HDAC4: variants seen among roughly 807,000 people sequenced by gnomAD.
HDAC4 encodes histone deacetylase 4, also known as histone deacetylase A.
HDAC4 carries 16 observed loss-of-function variants against 135.1 expected under a neutral mutation model. The ratio of observed to expected loss-of-function variants is 0.12; its 90% CI spans 0.08 to 0.18. The LOEUF (loss-of-function observed/expected upper bound fraction) is 0.18. Ranked by LOEUF, HDAC4 falls within the 10% of genes least tolerant of loss-of-function variation. HDAC4 has a pLI of 1.00. For synonymous variants in HDAC4, 685 were observed against 653.4 expected (o/e 1.05, Z -0.74); for missense variants, 1,143 against 1,511.8 (o/e 0.76, Z 4.05).
At chr2:239,201,393 C>G (rs1214340458) in intron 3 of HDAC4, among the ~76,000 whole-genome samples, 4 of 152,156 alleles carry the variant, frequency 2.6e-5, no homozygotes, top group Non-Finnish European at 5.9e-5. Context: ...ACTTCTGCTC[C>G]GGAGTCGATG....
At chr2:239,344,078 G>A (rs1692468216) in intron 2 of HDAC4, among the ~76,000 whole-genome samples, 1 of 152,122 alleles carries the variant, frequency 6.6e-6, no homozygotes, top group Admixed American at 6.5e-5. Context: ...GAACACCTAT[G>A]GTCAAGTAGA....
intron 6 of HDAC4, among the ~76,000 whole-genome samples, chr2:239,158,852 G>A (rs1357811225): frequency 6.6e-6 from 1 of 152,076 alleles, no homozygotes; most frequent in Admixed American, 6.5e-5. Context: ...GCGTCCAGCA[G>A]GGCGAGCAGA....
rs1395082656 is a variant in HDAC4, at chr2:239,146,792, C to T, written c.734-2078G>A. 6.6e-6 allele frequency among the ~76,000 whole-genome samples: 1 copy of T among 151,726 alleles called. No homozygotes were observed. The highest frequency in any genetic ancestry group is 1.5e-5 in the Non-Finnish European group (1 of 67,898). ...GCCCTGACCCCCCACAGCCCCACTGCCCCCATCACAGCCCCACTGCCCTGT... is the reference window on the plus strand; with the variant it reads ...GCCCTGACCCCCCACAGCCCCACTGTCCCCATCACAGCCCCACTGCCCTGT... On this transcript the variant is annotated intron_variant, in intron 7 of 26. Coordinates refer to ENST00000543185, the MANE Select transcript of HDAC4 (RefSeq NM_001378414.1). This position sits in a 1 kb window ranked among gnomAD's most constrained non-coding sequence, Gnocchi z 4.5.
At chr2:239,125,563 G>GT (rs1486082663) in intron 12 of HDAC4, among the ~76,000 whole-genome samples, 1 of 152,206 alleles carries the variant, frequency 6.6e-6, no homozygotes, top group Non-Finnish European at 1.5e-5. Context: ...GAGTTTACGT[G>GT]TAGATGTGTG....
intron 11 of HDAC4, 132 bp downstream of exon 11, chr2:239,134,113 T>G: frequency 1.4e-6 from 1 of 723,124 alleles, no homozygotes; most frequent in Non-Finnish European, 2.5e-6. Flanking sequence ...GTGATGGGGA[T>G]GTGTGTTTGG....
At chr2:239,200,126 T>C (rs899140445) in intron 3 of HDAC4, among the ~76,000 whole-genome samples, 2 of 152,172 alleles carry the variant, frequency 1.3e-5, no homozygotes, top group African/African-American at 2.4e-5. Flanking sequence ...GGGTAAGCGC[T>C]GTTATTGGGT....
chr2:239,096,186 G>A (rs1559417709), intron 16 of HDAC4, among the ~76,000 whole-genome samples: 2 of 152,146 alleles, frequency 1.3e-5, no homozygotes, highest in Non-Finnish European at 2.9e-5. Context: ...TGCCGGCCCG[G>A]TTAGCACGAG....
At chr2:239,179,656 C>A (rs780493162) in intron 4 of HDAC4, among the ~76,000 whole-genome samples, 18 of 152,188 alleles carry the variant, frequency 1.2e-4, no homozygotes, top group Non-Finnish European at 2.1e-4. Flanking sequence ...CACTTCAGAG[C>A]AAGAGGTGAT....
intron 24 of HDAC4, among the ~76,000 whole-genome samples, chr2:239,065,113 TTTCCATCGGGGGAGGC>T (rs1165831615): frequency 6.6e-6 from 1 of 152,178 alleles, no homozygotes; most frequent in Non-Finnish European, 1.5e-5. Flanking sequence ...CAGGGCCAGC[TTTCCATCGGGGGAGGC>T]TTGCACAGAG....
At chr2:239,202,157 A>G (rs1301108108) in intron 3 of HDAC4, among the ~76,000 whole-genome samples, 1 of 152,112 alleles carries the variant, frequency 6.6e-6, no homozygotes, top group Non-Finnish European at 1.5e-5. Flanking sequence ...TCATCCACGA[A>G]CCTTGGAACC....
At chr2:239,145,778 C>T (rs566207007) in intron 7 of HDAC4, among the ~76,000 whole-genome samples, 7 of 151,866 alleles carry the variant, frequency 4.6e-5, no homozygotes, top group Non-Finnish European at 7.4e-5. Context: ...TGCACCGCCT[C>T]CAGAGCAACA....
intron 16 of HDAC4, among the ~76,000 whole-genome samples, chr2:239,101,528 C>T (rs1269825559): frequency 6.6e-6 from 1 of 152,182 alleles, no homozygotes; most frequent in Non-Finnish European, 1.5e-5. Flanking sequence ...TCTCCTTGCC[C>T]CTGCAACCCC....
chr2:239,294,899 G>A lies in HDAC4; in HGVS notation c.22+57779C>T, dbSNP rs368155508. Among the ~76,000 whole-genome samples the A allele has an allele frequency of 2.6e-5, 4 of 152,326 alleles. No homozygotes were observed. The East Asian group carries it at 5.8e-4, about 22-fold the overall frequency. ...AAGCTAGGCCTCTGCTCTGACTAAG[G>A]GGGTGGGTGTGTGGGAGGCCCGGGA... On this transcript the variant is annotated intron_variant, in intron 2 of 26. Coordinates refer to ENST00000543185, the MANE Select transcript of HDAC4 (RefSeq NM_001378414.1).
intron 2 of HDAC4, among the ~76,000 whole-genome samples, chr2:239,256,193 C>A (rs954061292): frequency 3.9e-5 from 6 of 152,220 alleles, no homozygotes; most frequent in African/African-American, 1.4e-4. Context: ...AAGCGGTTCA[C>A]TGAAGAAAAC....
intron 24 of HDAC4, among the ~76,000 whole-genome samples, chr2:239,058,122 T>A (rs1166979720): frequency 6.6e-6 from 1 of 152,214 alleles, no homozygotes; most frequent in South Asian, 2.1e-4. Context: ...GGCACCCTAA[T>A]TGGGGCTGGC....
chr2:239,254,404 C>A (rs2048945365), intron 2 of HDAC4, among the ~76,000 whole-genome samples: 1 of 136,214 alleles, frequency 7.3e-6, no homozygotes. Context: ...GTGGAAAAGA[C>A]AACAAGCTGC....
At position 239,189,059 on chromosome 2, in the gene HDAC4, T is replaced by C. The variant is rs192561274; in HGVS notation, c.339+774A>G. ...ACTGCTAAGTGTTGGGGTAATTTTG[T>C]TACACAGATATAGATAACTTAGTCT... On this transcript the variant is annotated intron_variant, in intron 4 of 26. Transcript: ENST00000543185. 1.6e-3 allele frequency among the ~76,000 whole-genome samples: 249 copies of C among 152,376 alleles called. 1 individual carries two copies. Among genetic ancestry groups the C allele is most frequent in the African/African-American group, 5.9e-3 (247 of 41,586 alleles).
chr2:239,373,836 C>T (rs954736257), intron 1 of HDAC4, among the ~76,000 whole-genome samples: 1 of 152,224 alleles, frequency 6.6e-6, no homozygotes, highest in Admixed American at 6.5e-5. Context: ...TCTTTGTCCG[C>T]TTCTAGAGAT....
intron 2 of HDAC4, among the ~76,000 whole-genome samples, chr2:239,284,720 C>T (rs371200593): frequency 3.4e-4 from 52 of 152,222 alleles, no homozygotes; most frequent in Admixed American, 9.8e-4. Context: ...AGACGGTGAG[C>T]GCCCACGCCC....
Sources: gnomAD v4.1 joint callset for allele counts (sites outside exome capture counted in the v4.1 genomes callset) on GRCh38, gnomAD v4.1.1 for gene constraint, Gnocchi (gnomAD v3.1) non-coding constraint, MANE v1.5 for transcripts, NCBI Gene and HGNC (gene_info 2026-07-23, HGNC 2026-07-21) for gene names.